CCDC50: variants seen among roughly 807,000 people sequenced by gnomAD.
CCDC50 encodes coiled-coil domain-containing protein 50.
CCDC50 carries 54 observed loss-of-function variants against 70.2 expected under a neutral mutation model. The ratio of observed to expected loss-of-function variants is 0.77; its 90% CI spans 0.62 to 0.96. The LOEUF (loss-of-function observed/expected upper bound fraction) is 0.96, where lower values mean the gene tolerates loss of function less well. Among genes scored for constraint, CCDC50 ranks in the 50% least tolerant of loss-of-function variants. The pLI, the probability that CCDC50 is intolerant of heterozygous loss-of-function variation, is 0.00. For missense variants in CCDC50, 558 were observed against 578.7 expected (o/e 0.96, Z 0.37); for synonymous variants, 216 against 198.8 (o/e 1.09, Z -0.73).
At position 191,352,196 on chromosome 3, in the gene CCDC50, C is replaced by T. The variant is rs574987642; in HGVS notation, c.50-4892C>T. The stretch of plus-strand genomic sequence containing the variant: ...CCTGTTTTCCTCTCTGATATTTCAT[C>T]TCAGTGATGGCTTGGAGATGACTCA... On this transcript the variant is annotated intron_variant, in intron 1 of 11. Transcript: ENST00000392455. Among the ~76,000 whole-genome samples the T allele has an allele frequency of 5.3e-4, 75 of 141,984 alleles. 12 individuals are homozygous for T. Among genetic ancestry groups the T allele is most frequent in the Non-Finnish European group, 1.1e-3 (67 of 63,008 alleles). The allele number at this position is 141,984 out of a possible 152,430, so 93.1% of individuals were successfully genotyped here.
chr3:191,377,108 C>T (rs533000952), intron 6 of CCDC50, among the ~76,000 whole-genome samples: 10 of 152,234 alleles, frequency 6.6e-5, no homozygotes, highest in East Asian at 3.9e-4. Context: ...TGTTACCAGG[C>T]GGATATTAAA....
intron 3 of CCDC50, 34 bp downstream of exon 3, chr3:191,358,158 G>C: frequency 6.2e-7 from 1 of 1,613,260 alleles, no homozygotes; most frequent in Non-Finnish European, 8.5e-7. Context: ...GGTGATGCAA[G>C]ACTGGTTTTC....
chr3:191,345,292 C>T (rs1320631290), intron 1 of CCDC50, among the ~76,000 whole-genome samples: 6 of 152,180 alleles, frequency 3.9e-5, no homozygotes, highest in African/African-American at 1.4e-4. Flanking sequence ...ACACAGGAAG[C>T]TTATGAGGTT....
At chr3:191,364,193 T>G (rs985795479) in intron 4 of CCDC50, among the ~76,000 whole-genome samples, 4 of 151,858 alleles carry the variant, frequency 2.6e-5, no homozygotes, top group African/African-American at 4.8e-5. Flanking sequence ...CTCAGCCTCC[T>G]GAGTAGCTGG....
chr3:191,338,702 T>A (rs557436026), intron 1 of CCDC50, among the ~76,000 whole-genome samples: 2 of 152,354 alleles, frequency 1.3e-5, no homozygotes, highest in Admixed American at 1.3e-4. Context: ...TCCATAGAGC[T>A]AATCTTTGAA....
chr3:191,375,210 A>C lies in CCDC50; in HGVS notation c.597A>C (p.Ser199=), dbSNP rs1713054365. ...ENLEEPEQHC[S]SKRSLSSSSS... is the part of the protein sequence containing the mutation. ...TGGAAGAGCCAGAACAACATTGTTCATCGAAGAGATCCCTGTCATCCTCTA... is the reference window on the plus strand; with the variant it reads ...TGGAAGAGCCAGAACAACATTGTTCCTCGAAGAGATCCCTGTCATCCTCTA... Residue 199 remains serine, a synonymous_variant, in exon 6 of 12, where the codon TCA becomes TCC. Transcript: ENST00000392455. The C allele has an allele frequency of 6.2e-7, 1 of 1,613,742 alleles. No homozygotes were observed. The highest frequency in any genetic ancestry group is 1.3e-5 in the African/African-American group (1 of 74,902).
chr3:191,378,966 G>T (rs1328042255), intron 6 of CCDC50, among the ~76,000 whole-genome samples: 2 of 152,044 alleles, frequency 1.3e-5, no homozygotes, highest in African/African-American at 2.4e-5. Flanking sequence ...GTTGAAAGTT[G>T]TACAAAGGTG....
intron 1 of CCDC50, among the ~76,000 whole-genome samples, chr3:191,347,446 A>C (rs1243244429): frequency 2.8e-5 from 4 of 142,024 alleles, no homozygotes; most frequent in African/African-American, 1.0e-4. Flanking sequence ...TAAATGCCAC[A>C]TAAATCCTAA....
Position 191,358,091 on chromosome 3 carries a change from C to T in CCDC50, c.206C>T (p.Ala69Val), listed in dbSNP as rs776098971. The T allele has an allele frequency of 8.7e-6, 14 of 1,613,896 alleles. No homozygotes were observed. The highest frequency in any genetic ancestry group is 1.7e-4 in the Middle Eastern group (1 of 6,058). The stretch of plus-strand genomic sequence containing the variant: ...CAGCTCCAAGAGGAAGATCTGAAAG[C>T]GCAGGCCCAGCTCCAGAAGCGCTAC... ...AKQLQEEDLK[A>V]QAQLQKRYKD... The change falls in exon 3 of 12, where the codon GCG becomes GTG. Residue 69 changes from alanine to valine, a missense_variant. Transcript: ENST00000392455.
intron 5 of CCDC50, among the ~76,000 whole-genome samples, chr3:191,371,026 T>G (rs562264887): frequency 6.6e-6 from 1 of 152,200 alleles, no homozygotes; most frequent in Non-Finnish European, 1.5e-5. Flanking sequence ...AAAGAAGGTA[T>G]ACCATGCATC....
chr3:191,343,722 G>A (rs1471899512), intron 1 of CCDC50, among the ~76,000 whole-genome samples: 1 of 152,160 alleles, frequency 6.6e-6, no homozygotes, highest in East Asian at 1.9e-4. Flanking sequence ...AACTTTCAGG[G>A]CCAGTTGAAA....
intron 5 of CCDC50, among the ~76,000 whole-genome samples, chr3:191,372,274 CTT>C (rs1712939842): frequency 6.6e-6 from 1 of 152,058 alleles, no homozygotes; most frequent in South Asian, 2.1e-4. Context: ...GAGAGACAGA[CTT>C]TGAGGGAGTT....
intron 4 of CCDC50, among the ~76,000 whole-genome samples, chr3:191,362,637 C>T (rs1712533110): frequency 1.3e-5 from 2 of 152,146 alleles, no homozygotes; most frequent in African/African-American, 4.8e-5. Context: ...ATTACATAAA[C>T]TGAAACTACA....
chr3:191,345,873 T>A (rs890418137), intron 1 of CCDC50, among the ~76,000 whole-genome samples: 1 of 152,210 alleles, frequency 6.6e-6, no homozygotes, highest in African/African-American at 2.4e-5. Context: ...TGGCACACAT[T>A]TAAAACTTAT....
intron 5 of CCDC50, among the ~76,000 whole-genome samples, chr3:191,371,725 ATATGT>A (rs1242543129): frequency 6.6e-6 from 1 of 152,138 alleles, no homozygotes; most frequent in African/African-American, 2.4e-5. Context: ...TTATTGCTTG[ATATGT>A]TCTTCCTCTG....
intron 11 of CCDC50, among the ~76,000 whole-genome samples, chr3:191,390,140 G>A (rs540385948): frequency 2.5e-4 from 38 of 152,070 alleles, no homozygotes; most frequent in African/African-American, 6.5e-4. Flanking sequence ...ATGAGCCACC[G>A]CACCCAGCTC....
At position 191,375,066 on chromosome 3, in the gene CCDC50, A is replaced by C; in HGVS notation, c.453A>C (p.Gln151His). Residue 151 changes from glutamine to histidine, a missense_variant, in exon 6 of 12, where the codon CAA becomes CAC. By Grantham distance (24) the Gln-to-His change is conservative (BLOSUM62 0). Transcript: ENST00000392455. ...CATCCCTCTGCCTCCACTCAGACCA[A>C]CCAGGGTCAAGGAGGGCCAGGGAAT... ...ADSYYYEDGDQPGSRRARELG... is the reference protein window; with the variant it reads ...ADSYYYEDGDHPGSRRARELG... The C allele has an allele frequency of 1.2e-6, 2 of 1,613,350 alleles. No individual in the cohort carries two copies. The highest frequency in any genetic ancestry group is 1.7e-6 in the Non-Finnish European group (2 of 1,179,630).
chr3:191,357,231 G>T, intron 2 of CCDC50, 81 bp downstream of exon 2: 1 of 1,089,498 alleles, frequency 9.2e-7, no homozygotes, highest in Non-Finnish European at 1.4e-6. Context: ...GGGCTTAGGT[G>T]GGGAGAGAGC....
chr3:191,331,671 A>AT (rs1217443369), intron 1 of CCDC50, among the ~76,000 whole-genome samples: 1 of 152,190 alleles, frequency 6.6e-6, no homozygotes, highest in Non-Finnish European at 1.5e-5. Flanking sequence ...GAAGTGATGT[A>AT]TTATACTAGG....
Sources: gnomAD v4.1 joint callset for allele counts (sites outside exome capture counted in the v4.1 genomes callset) on GRCh38, gnomAD v4.1.1 for gene constraint, MANE v1.5 for transcripts, NCBI Gene and HGNC (gene_info 2026-07-23, HGNC 2026-07-21) for gene names.